Variants in PTPRM observed in about 807,000 individuals in gnomAD.
PTPRM encodes protein tyrosine phosphatase receptor type M.
In PTPRM, 47 loss-of-function variants were observed where a neutral mutation model predicts 186.7. The observed-to-expected ratio is 0.25, with a 90% CI of 0.20 to 0.32. The LOEUF (loss-of-function observed/expected upper bound fraction) is 0.32, where lower values mean the gene tolerates loss of function less well. Among genes scored for constraint, PTPRM ranks in the 10% least tolerant of loss-of-function variants. The pLI is 1.00. For synonymous variants in PTPRM, 668 were observed against 674.9 expected, an observed-to-expected ratio of 0.99 and a Z score of 0.16; for missense variants, 1,494 against 1,865.0, an observed-to-expected ratio of 0.80 and a Z score of 3.66.
At chr18:8,377,819 G>T (rs1165562345) in intron 26 of PTPRM, 1 of 153,682 alleles carries the variant, frequency 6.5e-6, no homozygotes, top group East Asian at 1.9e-4. Flanking sequence ...TAACTTTTAT[G>T]TTCTGAAATA....
intron 1 of PTPRM, among the ~76,000 whole-genome samples, chr18:7,703,765 A>G (rs1483058388): frequency 1.3e-5 from 2 of 152,182 alleles, no homozygotes; most frequent in Admixed American, 1.3e-4. Flanking sequence ...TTCAAAGGGA[A>G]TGCTTCCAGC....
At chr18:7,703,789 G>A (rs565930839) in intron 1 of PTPRM, among the ~76,000 whole-genome samples, 1 of 152,294 alleles carries the variant, frequency 6.6e-6, no homozygotes, top group South Asian at 2.1e-4. Flanking sequence ...TGCCCATTCA[G>A]TATGATATTG....
rs566924987 is a variant in PTPRM, at chr18:7,934,505, A to G, written c.663+7822A>G. ...ATTTTTATAACCTACAACGATTTTA[A>G]TGGGAACAGTTTCACTGATCTACCA... On this transcript the variant is annotated intron_variant, in intron 5 of 32. Coordinates refer to ENST00000580170, the MANE Select transcript of PTPRM (RefSeq NM_001105244.2). 2.9e-4 allele frequency among the ~76,000 whole-genome samples: 44 copies of G among 152,352 alleles called. No individual in the cohort carries two copies. The Middle Eastern group carries it at 0.014, about 47-fold the overall frequency.
intron 19 of PTPRM, among the ~76,000 whole-genome samples, chr18:8,259,793 A>G (rs1423407952): frequency 2.0e-5 from 3 of 152,080 alleles, no homozygotes; most frequent in African/African-American, 7.2e-5. Flanking sequence ...AGCTACAGGC[A>G]CACGCCACCA....
At chr18:7,576,468 GT>G (rs1491004521) in intron 1 of PTPRM, among the ~76,000 whole-genome samples, 1 of 151,966 alleles carries the variant, frequency 6.6e-6, no homozygotes, top group African/African-American at 2.4e-5. Context: ...TATAGTCTGT[GT>G]TTTTTTGATT....
At chr18:8,162,121 C>T (rs1485892010) in intron 14 of PTPRM, among the ~76,000 whole-genome samples, 6 of 147,842 alleles carry the variant, frequency 4.1e-5, no homozygotes, top group African/African-American at 7.5e-5. Context: ...TTTTTTCCTA[C>T]GGAGTTTCAC....
chr18:7,984,628 CAA>C (rs1383312623), intron 7 of PTPRM, among the ~76,000 whole-genome samples: 3 of 133,716 alleles, frequency 2.2e-5, no homozygotes, highest in Non-Finnish European at 3.1e-5. Flanking sequence ...CACACACACA[CAA>C]ACCCCCATAT....
rs756955298 is a variant in PTPRM, at chr18:7,888,157, A to G, written c.248A>G (p.His83Arg). The G allele has an allele frequency of 1.9e-6, 3 of 1,614,176 alleles. No homozygotes were observed. Among genetic ancestry groups the G allele is most frequent in the Admixed American group, 1.7e-5 (1 of 60,020 alleles). Residue 83 changes from histidine to arginine, a missense_variant, in exon 3 of 33, where the codon CAC becomes CGC. His to Arg is a conservative substitution (Grantham distance 29). Around this residue, in one of 3 missense-constraint regions of PTPRM, gnomAD observed 296 missense variants for 345.5 expected, o/e 0.86. Transcript: ENST00000580170. ...GGGAGACCTGAGGGGCAGAGAGCCC[A>G]CCTGCTCTTACCCCAACTTAAAGAA... ...ASGRPEGQRA[H>R]LLLPQLKEND...
At chr18:8,012,713 C>A (rs2084613412) in intron 7 of PTPRM, among the ~76,000 whole-genome samples, 1 of 152,180 alleles carries the variant, frequency 6.6e-6, no homozygotes, top group Non-Finnish European at 1.5e-5. Flanking sequence ...TCATTTGAGA[C>A]CACCGTCATA....
At chr18:8,205,730 A>G (rs949650448) in intron 14 of PTPRM, among the ~76,000 whole-genome samples, 1 of 152,202 alleles carries the variant, frequency 6.6e-6, no homozygotes, top group Non-Finnish European at 1.5e-5. Context: ...ATCTCAGGAC[A>G]TAGTGTCAGA....
At chr18:7,753,551 G>A (rs936445066) in intron 1 of PTPRM, among the ~76,000 whole-genome samples, 1 of 152,122 alleles carries the variant, frequency 6.6e-6, no homozygotes, top group East Asian at 1.9e-4. Flanking sequence ...GGGTTGTTGA[G>A]TATGAGTGTT....
chr18:7,738,570 G>A (rs1217259605), intron 1 of PTPRM, among the ~76,000 whole-genome samples: 1 of 151,654 alleles, frequency 6.6e-6, no homozygotes, highest in Non-Finnish European at 1.5e-5. Flanking sequence ...CGAGTAGCTG[G>A]GACTATAGGC....
intron 4 of PTPRM, among the ~76,000 whole-genome samples, chr18:7,912,454 A>G (rs2146625887): frequency 6.6e-6 from 1 of 152,318 alleles, no homozygotes; most frequent in South Asian, 2.1e-4. Flanking sequence ...AATTTGGATC[A>G]GTGGGTCTTC....
chr18:7,813,322 A>G (rs1335946351), intron 2 of PTPRM, among the ~76,000 whole-genome samples: 1 of 152,230 alleles, frequency 6.6e-6, no homozygotes, highest in East Asian at 1.9e-4. Context: ...TAGCTGAATC[A>G]TTGCTGAGAT....
At chr18:7,863,622 C>T (rs1374227777) in intron 2 of PTPRM, among the ~76,000 whole-genome samples, 1 of 152,088 alleles carries the variant, frequency 6.6e-6, no homozygotes, top group Non-Finnish European at 1.5e-5. Context: ...GGGTTGGTTC[C>T]AAGTCTTTGC....
intron 2 of PTPRM, among the ~76,000 whole-genome samples, chr18:7,881,823 G>A (rs571933580): frequency 1.2e-4 from 19 of 152,142 alleles, no homozygotes; most frequent in African/African-American, 4.3e-4. Context: ...TCAGAGCCTG[G>A]GTGCAGCCTT....
At chr18:8,168,710 A>G (rs1360314023) in intron 14 of PTPRM, among the ~76,000 whole-genome samples, 3 of 152,258 alleles carry the variant, frequency 2.0e-5, no homozygotes. Context: ...TAGATACTAA[A>G]AAAGTGCTGA....
At chr18:7,985,853 A>T (rs2082937265) in intron 7 of PTPRM, among the ~76,000 whole-genome samples, 1 of 151,972 alleles carries the variant, frequency 6.6e-6, no homozygotes, top group African/African-American at 2.4e-5. Flanking sequence ...TTCTTTCATG[A>T]TTAGTATTTA....
intron 19 of PTPRM, among the ~76,000 whole-genome samples, chr18:8,273,635 A>C (rs1302341615): frequency 6.6e-6 from 1 of 152,146 alleles, no homozygotes; most frequent in African/African-American, 2.4e-5. Flanking sequence ...TTTAAACAAG[A>C]TCCTCCCAGT....
Sources: allele counts gnomAD v4.1 joint callset (sites outside exome capture counted in the v4.1 genomes callset), GRCh38; gene constraint gnomAD v4.1.1; regional missense constraint gnomAD v4.1.1; transcripts MANE v1.5; gene names NCBI Gene and HGNC (gene_info 2026-07-23, HGNC 2026-07-21).